The following GOSR2 variants were observed in gnomAD, a reference collection of about 807,000 sequenced individuals.
The protein encoded by GOSR2 is golgi SNAP receptor complex member 2.
GOSR2 carries 20 observed loss-of-function variants against 27.9 expected under a neutral mutation model. The ratio of observed to expected loss-of-function variants is 0.72; its 90% CI spans 0.50 to 1.04. The LOEUF is 1.04. Ranked by LOEUF, GOSR2 falls within the 50% of genes least tolerant of loss-of-function variation. The pLI is 0.00. For synonymous variants in GOSR2, 91 were observed against 98.8 expected, an observed-to-expected ratio of 0.92 and a Z score of 0.47; for missense variants, 261 against 270.5, an observed-to-expected ratio of 0.97 and a Z score of 0.25.
chr17:46,968,092 G>A (rs1264809409), downstream of GOSR2, among the ~76,000 whole-genome samples: 1 of 152,062 alleles, frequency 6.6e-6, no homozygotes, highest in African/African-American at 2.4e-5. Context: ...ATATGGCATG[G>A]CCCAGTGCAG....
downstream of GOSR2, among the ~76,000 whole-genome samples, chr17:46,970,750 A>G (rs2091383989): frequency 6.6e-6 from 1 of 152,344 alleles, no homozygotes; most frequent in Non-Finnish European, 1.5e-5. Flanking sequence ...TGATGTTTGC[A>G]TAAAAGAGAA....
intron 6 of GOSR2, among the ~76,000 whole-genome samples, chr17:46,963,080 C>G (rs2091156582): frequency 6.6e-6 from 1 of 152,364 alleles, no homozygotes; most frequent in Non-Finnish European, 1.5e-5. Context: ...TTCACACTCT[C>G]AACCACTGCA....
Position 46,938,668 on chromosome 17 carries a change from G to A in GOSR2, c.547G>A (p.Glu183Lys), listed in dbSNP as rs144472114. The A allele has an allele frequency of 1.2e-5, 19 of 1,613,906 alleles. No individual in the cohort carries two copies. The East Asian group carries it at 1.8e-4, about 15-fold the overall frequency. Residue 183 changes from glutamate (E) to lysine (K), a missense_variant, in exon 6 of 6, where the codon GAG (glutamate) becomes AAG (lysine). By Grantham distance (56) the Glu-to-Lys change is moderately conservative (BLOSUM62 1). Transcript: ENST00000640051. The part of the protein sequence containing the change: ...GLSNTVMRLI[E>K]KRAFQDKYFM... ...GTCCAACACAGTGATGCGGCTCATC[G>A]AGAAGCGGGCTTTCCAGGACAAGTA...
intron 6 of GOSR2, among the ~76,000 whole-genome samples, chr17:46,963,262 C>T (rs2091164447): frequency 6.6e-6 from 1 of 152,228 alleles, no homozygotes. Context: ...AGGCAGATGA[C>T]AGCCAGGTGC....
intron 6 of GOSR2, among the ~76,000 whole-genome samples, chr17:46,962,631 TAAG>T (rs946423999): frequency 1.3e-5 from 2 of 152,194 alleles, no homozygotes; most frequent in African/African-American, 2.4e-5. Flanking sequence ...CATGAGTTGA[TAAG>T]GAGAGGAAAG....
At chr17:46,972,305 TCC>T (rs1186319961) in intron 6 of GOSR2, among the ~76,000 whole-genome samples, 1 of 152,144 alleles carries the variant, frequency 6.6e-6, no homozygotes, top group Non-Finnish European at 1.5e-5. Flanking sequence ...TGCTTCCTCT[TCC>T]CCCTTCTTTC....
chr17:46,923,212 A>G lies in GOSR2; in HGVS notation c.20A>G (p.Gln7Arg), dbSNP rs2085951116. MDPLFQ[Q>R]THKQVHEIQS... Reference sequence around the variant, plus strand: ...GGCGACATGGATCCCCTGTTCCAGCAAACGCACAAGTGAGGGCCGGTCGGG... The same window carrying G: ...GGCGACATGGATCCCCTGTTCCAGCGAACGCACAAGTGAGGGCCGGTCGGG... The change falls in exon 1 of 6, where the codon CAA (glutamine) becomes CGA (arginine). Residue 7 changes from glutamine (Q) to arginine (R), a missense_variant. Transcript: ENST00000640051. 1.9e-6 allele frequency: 3 copies of G among 1,550,542 alleles called. No individual in the cohort carries two copies. The East Asian group carries it at 7.3e-5, about 38-fold the overall frequency.
chr17:46,924,798 A>G (rs969662576), intron 1 of GOSR2, among the ~76,000 whole-genome samples: 1 of 152,232 alleles, frequency 6.6e-6, no homozygotes, highest in Non-Finnish European at 1.5e-5. Context: ...ATGAAACGAA[A>G]TTATGTTCAT....
At chr17:46,953,055 A>T (rs569840837) in intron 6 of GOSR2, among the ~76,000 whole-genome samples, 111 of 151,348 alleles carry the variant, frequency 7.3e-4, no homozygotes, top group African/African-American at 2.5e-3. Context: ...TTTTTATTTT[A>T]TTATTATTTT....
intron 6 of GOSR2, among the ~76,000 whole-genome samples, chr17:46,958,830 C>T (rs1720414219): frequency 1.3e-5 from 2 of 152,206 alleles, no homozygotes; most frequent in Admixed American, 6.5e-5. Context: ...GTTAGGAGAA[C>T]GGAGCTCTAG....
rs1286839258 is a variant in GOSR2 at position 46,962,682 on chromosome 17, G to A, written c.584-3852G>A. Among the ~76,000 whole-genome samples the A allele has an allele frequency of 6.6e-5, 10 of 152,318 alleles. No homozygotes were observed. In the East Asian group the frequency reaches 1.5e-3, roughly 23 times the overall value. ...CTCAGCAGAGCCCAGCCTTCCAGCT[G>A]TCCCTGCCAAGGTGCCAGACACTCT... On this transcript the variant is annotated intron_variant, in intron 6 of 6. Transcript: ENST00000573224.
At chr17:46,962,499 ATTCTGGGCCAAT>A (rs72106860) in intron 6 of GOSR2, among the ~76,000 whole-genome samples, 23 of 152,292 alleles carry the variant, frequency 1.5e-4, no homozygotes, top group Admixed American at 2.6e-4. Flanking sequence ...AAGTATGCTG[ATTCTGGGCCAAT>A]TATTGAGGTC....
Position 46,924,260 on chromosome 17 carries a change from G to A in GOSR2, c.29+1039G>A, listed in dbSNP as rs2086162856. 2.4e-5 allele frequency: 4 copies of A among 164,414 alleles called. No individual in the cohort carries two copies. The East Asian group carries it at 6.6e-4, about 27-fold the overall frequency. 10.2% of individuals were successfully genotyped at this position (164,414 alleles called of 1,614,324 possible). A position where few individuals can be genotyped will look rare whatever the true frequency, so the allele number is the denominator to read the frequency against. On this transcript the variant is annotated intron_variant, in intron 1 of 5. Coordinates refer to ENST00000640051, the MANE Select transcript of GOSR2 (RefSeq NM_004287.5). The stretch of plus-strand genomic sequence containing the variant: ...TGGCTTATTTCACTTAATGTTTTCA[G>A]GGTTCATCTATATTGTAGCCTGTTA...
intron 5 of GOSR2, 161 bp downstream of exon 5, chr17:46,935,330 T>C (rs568518893): frequency 6.7e-7 from 1 of 1,494,466 alleles, no homozygotes; most frequent in African/African-American, 1.4e-5. Flanking sequence ...GGAGTTGAGT[T>C]ATTGTGAGCC....
intron 5 of GOSR2, chr17:46,936,068 G>T: frequency 1.0e-6 from 1 of 985,850 alleles, no homozygotes; most frequent in Non-Finnish European, 1.2e-6. Context: ...GGGGGAGAGG[G>T]TCAGGCAAGC....
chr17:46,926,718 T>G (rs1276806007), intron 1 of GOSR2, among the ~76,000 whole-genome samples: 1 of 152,220 alleles, frequency 6.6e-6, no homozygotes, highest in Non-Finnish European at 1.5e-5. Flanking sequence ...CATACTTGCT[T>G]TGTTGTTTCA....
downstream of GOSR2, among the ~76,000 whole-genome samples, chr17:46,971,951 G>C (rs1423410089): frequency 6.6e-6 from 1 of 152,242 alleles, no homozygotes; most frequent in South Asian, 2.1e-4. Context: ...CTGGCTCTGA[G>C]GAAGGGTCAC....
At chr17:46,948,298 CA>C (rs1181377050) in intron 6 of GOSR2, among the ~76,000 whole-genome samples, 1 of 152,180 alleles carries the variant, frequency 6.6e-6, no homozygotes, top group Non-Finnish European at 1.5e-5. Flanking sequence ...CAGCCCAGGA[CA>C]TAGAAAGATG....
At chr17:46,965,403 C>A (rs554071762) in intron 6 of GOSR2, among the ~76,000 whole-genome samples, 1 of 152,342 alleles carries the variant, frequency 6.6e-6, no homozygotes, top group East Asian at 1.9e-4. Context: ...CTGACTATGA[C>A]TTCTGTGGCA....
Sources: gnomAD v4.1 joint callset for allele counts (sites outside exome capture counted in the v4.1 genomes callset) on GRCh38, gnomAD v4.1.1 for gene constraint, MANE v1.5 for transcripts, NCBI Gene and HGNC (gene_info 2026-07-23, HGNC 2026-07-21) for gene names.